The following HSPBAP1 variants were observed in gnomAD, a reference collection of about 807,000 sequenced individuals.
HSPBAP1 encodes the protein HSPB1-associated protein 1.
A neutral mutation model predicts 45.2 loss-of-function variants in HSPBAP1; 27 were observed. The observed-to-expected ratio is 0.60, with a 90% confidence interval of 0.44 to 0.82. HSPBAP1 has a LOEUF of 0.82. Ranked by LOEUF, HSPBAP1 falls within the 40% of genes least tolerant of loss-of-function variation. The pLI, the probability that HSPBAP1 is intolerant of heterozygous loss-of-function variation, is 0.00. For missense variants in HSPBAP1, 510 were observed against 590.9 expected, an observed-to-expected ratio of 0.86 and a Z score of 1.42; for synonymous variants, 204 against 202.7, an observed-to-expected ratio of 1.01 and a Z score of -0.06.
chr3:122,786,793 G>A (rs1454321845), intron 1 of HSPBAP1, among the ~76,000 whole-genome samples: 2 of 152,158 alleles, frequency 1.3e-5, no homozygotes, highest in African/African-American at 4.8e-5. Context: ...CAGGAAATTA[G>A]CATATTTACA....
intron 3 of HSPBAP1, among the ~76,000 whole-genome samples, chr3:122,760,025 A>G (rs545589544): frequency 4.3e-4 from 66 of 152,158 alleles, no homozygotes; most frequent in Non-Finnish European, 8.2e-4. Context: ...ACATCCATGG[A>G]TGGCTTTCAA....
At chr3:122,785,721 T>C (rs973349154) in intron 1 of HSPBAP1, among the ~76,000 whole-genome samples, 3 of 152,188 alleles carry the variant, frequency 2.0e-5, no homozygotes, top group Non-Finnish European at 4.4e-5. Context: ...GAATAATTTT[T>C]TATTTAACTT....
intron 4 of HSPBAP1, among the ~76,000 whole-genome samples, chr3:122,757,582 A>T (rs751109812): frequency 6.6e-6 from 1 of 151,888 alleles, no homozygotes; most frequent in East Asian, 1.9e-4. Context: ...CTTGCCTTGC[A>T]CTCTGGCTGT....
chr3:122,756,755 C>T (rs1934371510), intron 4 of HSPBAP1, among the ~76,000 whole-genome samples: 1 of 151,638 alleles, frequency 6.6e-6, no homozygotes, highest in South Asian at 2.1e-4. Context: ...TCAATTTACA[C>T]GGCCATCAGC....
chr3:122,780,603 G>A (rs1315012799), intron 1 of HSPBAP1, among the ~76,000 whole-genome samples: 2 of 146,792 alleles, frequency 1.4e-5, no homozygotes. Context: ...CGGGCGGGGG[G>A]CTGACCCCCC....
In HSPBAP1 at chr3:122,747,305, G is replaced by A. The variant is rs1372124208; in HGVS notation, c.825+5286C>T. Among the ~76,000 whole-genome samples, 7 of 150,844 alleles carry A rather than the reference G, an allele frequency of 4.6e-5. No individual in the cohort carries two copies. In the East Asian group the frequency reaches 9.9e-4, roughly 21 times the overall value. On this transcript the variant is annotated intron_variant, in intron 6 of 7. Coordinates refer to ENST00000306103, the MANE Select transcript of HSPBAP1 (RefSeq NM_024610.6). ...ATGTGGGGAGCGCCTCTGCCCGGCC[G>A]CGACCCCATCTAGGAAGTGAGGAGC...
chr3:122,772,352 T>C (rs1429496346), intron 2 of HSPBAP1, among the ~76,000 whole-genome samples: 2 of 151,844 alleles, frequency 1.3e-5, no homozygotes, highest in Non-Finnish European at 2.9e-5. Flanking sequence ...GAAAAAAGAG[T>C]AATTAGGGAG....
intron 6 of HSPBAP1, among the ~76,000 whole-genome samples, chr3:122,749,861 C>T (rs1237123362): frequency 1.3e-5 from 2 of 151,960 alleles, no homozygotes; most frequent in South Asian, 2.1e-4. Context: ...CTGCCCGCCT[C>T]GGCCTCCCAA....
Position 122,759,304 on chromosome 3 carries a change from C to T in HSPBAP1, c.489G>A (p.Leu163=). 1.2e-6 allele frequency: 2 copies of T among 1,614,030 alleles called. No homozygotes were observed. Among genetic ancestry groups the T allele is most frequent in the Non-Finnish European group, 1.7e-6 (2 of 1,179,938 alleles). ...TGTGGGCTCCCAAGGAGCCAATCCACAATGTACTTTCCTGTCCATTTCTTC... is the reference window on the plus strand; with the variant it reads ...TGTGGGCTCCCAAGGAGCCAATCCATAATGTACTTTCCTGTCCATTTCTTC... ...FPGRNGQEST[L]WIGSLGAHTP... The change falls in exon 4 of 8, where the codon TTG becomes TTA. Residue 163 remains leucine, a synonymous_variant. Transcript: ENST00000306103.
At chr3:122,746,770 G>C (rs928760999) in intron 6 of HSPBAP1, among the ~76,000 whole-genome samples, 5 of 151,448 alleles carry the variant, frequency 3.3e-5, no homozygotes, top group African/African-American at 1.2e-4. Context: ...CTCCTGCCTC[G>C]GCCTGCCGAG....
chr3:122,784,148 A>C lies in HSPBAP1; in HGVS notation c.65-6242T>G, dbSNP rs529902864. 3.3e-5 allele frequency among the ~76,000 whole-genome samples: 5 copies of C among 152,204 alleles called. No homozygotes were observed. The East Asian group carries it at 7.7e-4, about 24-fold the overall frequency. On this transcript the variant is annotated intron_variant, in intron 1 of 7. Coordinates refer to ENST00000306103, the MANE Select transcript of HSPBAP1 (RefSeq NM_024610.6). ...CCAGCCTTTTCAATGCCTTTTACCC[A>C]AAATAATCAATATACCAAAGTGGCA...
intron 2 of HSPBAP1, among the ~76,000 whole-genome samples, chr3:122,772,793 G>GA (rs1385873555): frequency 6.6e-6 from 1 of 152,056 alleles, no homozygotes; most frequent in Non-Finnish European, 1.5e-5. Context: ...GCTAAAATGA[G>GA]AAAGCAAACA....
At chr3:122,790,780 G>C (rs1046866618) in intron 1 of HSPBAP1, among the ~76,000 whole-genome samples, 2 of 152,050 alleles carry the variant, frequency 1.3e-5, no homozygotes, top group African/African-American at 4.8e-5. Context: ...CCAGGAGTTC[G>C]AGACCAGCCT....
intron 3 of HSPBAP1, among the ~76,000 whole-genome samples, chr3:122,760,420 T>TA (rs1934534378): frequency 6.6e-6 from 1 of 152,068 alleles, no homozygotes; most frequent in South Asian, 2.1e-4. Context: ...CTGACACTCC[T>TA]TTTATCAGTA....
chr3:122,778,322 A>C (rs971473361), intron 1 of HSPBAP1, among the ~76,000 whole-genome samples: 2 of 151,464 alleles, frequency 1.3e-5, no homozygotes, highest in African/African-American at 4.8e-5. Context: ...TTATAAGTTA[A>C]TACACACACA....
chr3:122,768,888 A>G lies in HSPBAP1; in HGVS notation c.251-6T>C, dbSNP rs1004478057. On this transcript the variant is annotated splice_polypyrimidine_tract_variant and splice_region_variant and intron_variant, in intron 2 of 7. Coordinates refer to ENST00000306103, the MANE Select transcript of HSPBAP1 (RefSeq NM_024610.6). ...TGTAGTTTCAAACTGAGGAACTGCA[A>G]TGTAAGAGAATGCAACCTTAAATGT... is the stretch of plus-strand genomic sequence containing the variant. 2 of 1,558,844 alleles carry G rather than the reference A, an allele frequency of 1.3e-6. No homozygotes were observed. The highest frequency in any genetic ancestry group is 1.8e-6 in the Non-Finnish European group (2 of 1,133,340).
chr3:122,779,847 A>T (rs1367505160), intron 1 of HSPBAP1, among the ~76,000 whole-genome samples: 2 of 151,876 alleles, frequency 1.3e-5, no homozygotes, highest in African/African-American at 4.8e-5. Context: ...TCAACAGGAT[A>T]CCAAGGCAGA....
intron 2 of HSPBAP1, among the ~76,000 whole-genome samples, chr3:122,773,559 G>T (rs564444265): frequency 2.5e-4 from 36 of 146,700 alleles, no homozygotes; most frequent in African/African-American, 9.1e-4. Context: ...CAGGTAATCC[G>T]CCCACCTTGG....
At chr3:122,770,529 T>C (rs2107524811) in intron 2 of HSPBAP1, among the ~76,000 whole-genome samples, 1 of 152,162 alleles carries the variant, frequency 6.6e-6, no homozygotes, top group South Asian at 2.1e-4. Context: ...TGAAACCCTG[T>C]CTCTACAAAA....
Sources: gnomAD v4.1 joint callset for allele counts (sites outside exome capture counted in the v4.1 genomes callset) on GRCh38, gnomAD v4.1.1 for gene constraint, MANE v1.5 for transcripts, NCBI Gene and HGNC (gene_info 2026-07-23, HGNC 2026-07-21) for gene names.